The following TCN2 variants were observed in gnomAD, a reference collection of about 807,000 sequenced individuals.
TCN2 encodes transcobalamin-2.
A neutral mutation model predicts 48.6 loss-of-function variants in TCN2; 34 were observed. The observed-to-expected ratio is 0.70, with a 90% CI of 0.53 to 0.93. The LOEUF is 0.93. Ranked by LOEUF, TCN2 falls within the 40% of genes least tolerant of loss-of-function variation. TCN2 has a pLI of 0.00. For missense variants in TCN2, 652 were observed against 526.1 expected (o/e 1.24, Z -2.34); for synonymous variants, 283 against 212.5 (o/e 1.33, Z -2.89).
chr22:30,610,086 A>G, intron 1 of TCN2: 1 of 408,070 alleles, frequency 2.5e-6, no homozygotes, highest in South Asian at 1.9e-5. Flanking sequence ...GTCCCTTGGA[A>G]CTATCCCTAA....
intron 1 of TCN2, among the ~76,000 whole-genome samples, chr22:30,609,731 C>G (rs944787354): frequency 1.2e-4 from 18 of 152,140 alleles, no homozygotes; most frequent in African/African-American, 4.3e-4. Context: ...AAAAAGCAAC[C>G]CCCCAGTCTC....
chr22:30,622,907 G>C, intron 7 of TCN2, 61 bp from the exon 8 acceptor site: 1 of 1,552,732 alleles, frequency 6.4e-7, no homozygotes, highest in Non-Finnish European at 8.9e-7. Flanking sequence ...GGTGAGCACT[G>C]CCTCTCCCCT....
intron 2 of TCN2, among the ~76,000 whole-genome samples, chr22:30,612,245 T>TG (rs1555894727): frequency 1.4e-5 from 2 of 142,832 alleles, no homozygotes; most frequent in Non-Finnish European, 3.1e-5. Context: ...CCTATCTCAG[T>TG]AAAAAAAAAA....
intron 7 of TCN2, among the ~76,000 whole-genome samples, chr22:30,621,031 C>A (rs931202217): frequency 1.6e-4 from 24 of 152,170 alleles, no homozygotes; most frequent in Non-Finnish European, 3.1e-4. Flanking sequence ...TGCATTCAGT[C>A]GCCCAGGCTG....
At chr22:30,613,214 T>C (rs999421292) in intron 3 of TCN2, among the ~76,000 whole-genome samples, 172 bp downstream of exon 3, 13 of 152,224 alleles carry the variant, frequency 8.5e-5, no homozygotes, top group African/African-American at 3.1e-4. Flanking sequence ...TAGCCATCCT[T>C]GACCCAGCTT....
At chr22:30,608,048 G>C (rs1362319636) in intron 1 of TCN2, among the ~76,000 whole-genome samples, 2 of 152,130 alleles carry the variant, frequency 1.3e-5, no homozygotes, top group Non-Finnish European at 2.9e-5. Flanking sequence ...TGTGCCCCAA[G>C]GGGTCTCTTG....
In TCN2 at chr22:30,607,229, G is replaced by A. The variant is rs1452692225; in HGVS notation, c.-103G>A. Reference sequence around the variant, plus strand: ...GGATTAATCAGTGACAGGAAGCTGCGTCTCTCGGAGCGGTGACCAGCTGTG... The same window carrying A: ...GGATTAATCAGTGACAGGAAGCTGCATCTCTCGGAGCGGTGACCAGCTGTG... On this transcript the variant is annotated 5_prime_UTR_variant, in exon 1 of 9. Transcript: ENST00000215838. 21 of 1,242,414 alleles carry A rather than the reference G, an allele frequency of 1.7e-5. No homozygotes were observed. Among genetic ancestry groups the A allele is most frequent in the African/African-American group, 3.0e-5 (2 of 67,368 alleles). The allele number at this position is 1,242,414 out of a possible 1,614,324, so 77.0% of individuals were successfully genotyped here. A position where few individuals can be genotyped will look rare whatever the true frequency, so the allele number is the denominator to read the frequency against.
At chr22:30,616,822 G>C (rs1241739670) in intron 6 of TCN2, among the ~76,000 whole-genome samples, 1 of 152,134 alleles carries the variant, frequency 6.6e-6, no homozygotes, top group African/African-American at 2.4e-5. Context: ...AGAATGGATA[G>C]AGTGGAGCCA....
In TCN2 at chr22:30,626,519, T is replaced by G; in HGVS notation, c.1282T>G (p.Ter428GluextTer14). 6.2e-7 allele frequency: 1 copy of G among 1,614,076 alleles called. No individual in the cohort carries two copies. The highest frequency in any genetic ancestry group is 8.5e-7 in the Non-Finnish European group (1 of 1,180,010). The change falls in exon 9 of 9, where the codon TAG becomes GAG. Residue 428 changes from the stop codon to glutamate, a stop_lost. Transcript: ENST00000215838. ...ETIELRLVSW[*>E] ...CATTGAGCTGAGGCTGGTTAGCTGG[T>G]AGCCCCTGAGCTCCCTCATCCCAGC...
chr22:30,616,203 G>C (rs1301459934), intron 6 of TCN2, among the ~76,000 whole-genome samples: 1 of 152,210 alleles, frequency 6.6e-6, no homozygotes, highest in Non-Finnish European at 1.5e-5. Context: ...GGAGAAAGAG[G>C]CCAGGTGCAG....
At chr22:30,623,284 C>T (rs1569045909) in intron 8 of TCN2, 1 of 529,354 alleles carries the variant, frequency 1.9e-6, no homozygotes, top group Admixed American at 3.3e-5. Context: ...TTCTAGGAAA[C>T]CAGACAGATT....
At position 30,612,764 on chromosome 22, in the gene TCN2, T is replaced by C. The variant is rs554474297; in HGVS notation, c.258-109T>C. 2.4e-4 allele frequency: 333 copies of C among 1,392,350 alleles called. 1 individual carries two copies. In the African/African-American group the frequency reaches 2.4e-3, roughly 10 times the overall value. 86.2% of individuals were successfully genotyped at this position (1,392,350 alleles called of 1,614,324 possible). On this transcript the variant is annotated intron_variant, in intron 2 of 8. Transcript: ENST00000215838. ...TCCTTTTGGAGCTTTTATCAAAGTTTCCCACTGTTAAGATTTTTTCCCGCT... is the reference window on the plus strand; with the variant it reads ...TCCTTTTGGAGCTTTTATCAAAGTTCCCCACTGTTAAGATTTTTTCCCGCT...
In TCN2 at chr22:30,614,518, G is replaced by A. The variant is rs184174370; in HGVS notation, c.580+17G>A. On this transcript the variant is annotated intron_variant, in intron 4 of 8. Transcript: ENST00000215838. ...ATTCTGTGGGTGAGTAGGTCAGACC[G>A]TGCCAAGGCCAGGCTGGCACTCCCT... The A allele has an allele frequency of 3.9e-5, 63 of 1,613,784 alleles. No individual in the cohort carries two copies. The highest frequency in any genetic ancestry group is 3.3e-4 in the East Asian group (15 of 44,888).
At chr22:30,614,819 G>A (rs1164610170) in intron 4 of TCN2, among the ~76,000 whole-genome samples, 1 of 152,218 alleles carries the variant, frequency 6.6e-6, no homozygotes. Flanking sequence ...TGAGGCAGGA[G>A]AATCACTTGA....
chr22:30,619,848 A>C (rs988581543), intron 7 of TCN2, among the ~76,000 whole-genome samples: 3 of 152,170 alleles, frequency 2.0e-5, no homozygotes, highest in Admixed American at 6.6e-5. Flanking sequence ...GTGTACTGAT[A>C]ATTTTATTAA....
chr22:30,623,210 C>T, intron 8 of TCN2, 127 bp downstream of exon 8: 2 of 834,568 alleles, frequency 2.4e-6, no homozygotes, highest in South Asian at 2.9e-5. Context: ...ATCACTGATG[C>T]TCAAAGTTGG....
chr22:30,609,220 T>C (rs2087499288), intron 1 of TCN2, among the ~76,000 whole-genome samples: 1 of 151,596 alleles, frequency 6.6e-6, no homozygotes, highest in African/African-American at 2.4e-5. Context: ...CAGGGTTGGT[T>C]TCAAACTCCT....
chr22:30,613,156 C>A, intron 3 of TCN2, 114 bp downstream of exon 3: 1 of 1,419,446 alleles, frequency 7.0e-7, no homozygotes, highest in Non-Finnish European at 9.6e-7. Flanking sequence ...TTCCCACCAT[C>A]CATTCTGCCC....
chr22:30,625,062 C>CA (rs1329123272), intron 8 of TCN2, among the ~76,000 whole-genome samples: 2 of 151,960 alleles, frequency 1.3e-5, no homozygotes, highest in Non-Finnish European at 1.5e-5. Flanking sequence ...ACTAAAAATA[C>CA]AAAAAATTAG....
Sources: gnomAD v4.1 joint callset for allele counts (sites outside exome capture counted in the v4.1 genomes callset) on GRCh38, gnomAD v4.1.1 for gene constraint, MANE v1.5 for transcripts, NCBI Gene and HGNC (gene_info 2026-07-23, HGNC 2026-07-21) for gene names.